Variants in CDH13 observed in about 807,000 individuals in gnomAD.
CDH13 encodes the protein cadherin 13, also known as cadherin-13.
A neutral mutation model predicts 63.8 loss-of-function variants in CDH13; 24 were observed. That is an observed-to-expected ratio of 0.38 (90% CI 0.27 to 0.53). CDH13 has a LOEUF of 0.53. Ranked by LOEUF, CDH13 falls within the 20% of genes least tolerant of loss-of-function variation. The probability of loss-of-function intolerance (pLI) is 0.85; values close to 1 mark genes in which losing one functional copy is unlikely to be tolerated. For synonymous variants in CDH13, 503 were observed against 355.3 expected (o/e 1.42, Z -4.67); for missense variants, 1,049 against 903.1 (o/e 1.16, Z -2.07).
intron 1 of CDH13, among the ~76,000 whole-genome samples, chr16:82,684,346 A>T (rs950255401): frequency 2.6e-5 from 4 of 152,286 alleles, no homozygotes; most frequent in Non-Finnish European, 4.4e-5. Flanking sequence ...TCAGTCCCTT[A>T]GATAACATCA....
chr16:83,265,891 T>C (rs548379275), intron 5 of CDH13, among the ~76,000 whole-genome samples: 2 of 152,102 alleles, frequency 1.3e-5, no homozygotes, highest in Non-Finnish European at 1.5e-5. Flanking sequence ...AAATGGGTGA[T>C]GGGGTTGGGA....
chr16:83,659,506 T>C (rs1913242757), intron 8 of CDH13, among the ~76,000 whole-genome samples: 1 of 152,264 alleles, frequency 6.6e-6, no homozygotes, highest in South Asian at 2.1e-4. Flanking sequence ...AGTGGTTACC[T>C]CAAGCTGTTG....
chr16:83,044,648 G>A (rs963645083), intron 3 of CDH13, among the ~76,000 whole-genome samples: 1 of 152,168 alleles, frequency 6.6e-6, no homozygotes, highest in Non-Finnish European at 1.5e-5. Flanking sequence ...GTTTATATAT[G>A]CATTACCCGA....
At chr16:83,386,550 C>G (rs1020030283) in intron 6 of CDH13, among the ~76,000 whole-genome samples, 1 of 152,124 alleles carries the variant, frequency 6.6e-6, no homozygotes, top group Admixed American at 6.5e-5. Flanking sequence ...CCACCTATAC[C>G]CGGATAGTAT....
intron 5 of CDH13, among the ~76,000 whole-genome samples, chr16:83,300,321 T>C (rs536052365): frequency 7.2e-5 from 11 of 152,370 alleles, no homozygotes; most frequent in African/African-American, 2.4e-4. Context: ...CATGAAGAGA[T>C]AGGTCAAAAT....
intron 7 of CDH13, among the ~76,000 whole-genome samples, chr16:83,530,320 C>T (rs187775738): frequency 2.0e-5 from 3 of 152,296 alleles, no homozygotes; most frequent in African/African-American, 7.2e-5. Flanking sequence ...TGTGGAGTCA[C>T]CACTGAGCTG....
At chr16:82,648,002 G>C (rs1174403721) in intron 1 of CDH13, among the ~76,000 whole-genome samples, 1 of 152,136 alleles carries the variant, frequency 6.6e-6, no homozygotes, top group Non-Finnish European at 1.5e-5. Context: ...GGTTTCATAA[G>C]GGGCAGTTCC....
chr16:83,508,154 G>GGGGAA lies in CDH13; in HGVS notation c.960+21500_960+21501insGGAAG, dbSNP rs1371600373. The stretch of plus-strand genomic sequence containing the variant: ...GGAAAGGGAAGGGGAGGGGAGGGGA[G>GGGGAA]GCGAGGGGAGGGGAGGAGAGGGGAG... On this transcript the variant is annotated intron_variant, in intron 7 of 13. Transcript: ENST00000567109. Among the ~76,000 whole-genome samples the GGGGAA allele has an allele frequency of 5.3e-5, 6 of 113,864 alleles. No homozygotes were observed. In the East Asian group the frequency reaches 1.8e-3, roughly 35 times the overall value. 74.7% of individuals were successfully genotyped at this position (113,864 alleles called of 152,430 possible).
intron 2 of CDH13, among the ~76,000 whole-genome samples, chr16:82,890,394 G>A (rs907555740): frequency 6.6e-6 from 1 of 152,118 alleles, no homozygotes; most frequent in Non-Finnish European, 1.5e-5. Context: ...TTCTTGGAAG[G>A]CCCCAGACTT....
rs889607455 is a variant in CDH13 at position 82,938,417 on chromosome 16, C to T, written c.157+79944C>T. ...ATTAGCCCTCTCAAATATCAATGGT[C>T]TCTGCCAGCCTTAGATGAGATAATG... On this transcript the variant is annotated intron_variant, in intron 2 of 13. Transcript: ENST00000567109. Among the ~76,000 whole-genome samples, 7 of 152,220 alleles carry T rather than the reference C, an allele frequency of 4.6e-5. No homozygotes were observed. In the South Asian group the frequency reaches 8.3e-4, roughly 18 times the overall value.
At chr16:82,869,362 T>A (rs2040265370) in intron 2 of CDH13, among the ~76,000 whole-genome samples, 1 of 151,566 alleles carries the variant, frequency 6.6e-6, no homozygotes, top group Non-Finnish European at 1.5e-5. Context: ...TTTTTTTTTC[T>A]TTTTAAACAC....
intron 1 of CDH13, among the ~76,000 whole-genome samples, chr16:82,743,841 CAT>C (rs1438815161): frequency 1.3e-5 from 2 of 152,052 alleles, no homozygotes; most frequent in East Asian, 1.9e-4. Flanking sequence ...ATAAATATGA[CAT>C]AGAAAAATTT....
chr16:83,746,342 C>A (rs1232252995), intron 10 of CDH13, among the ~76,000 whole-genome samples: 1 of 152,148 alleles, frequency 6.6e-6, no homozygotes, highest in African/African-American at 2.4e-5. Context: ...GTGGTCTTCT[C>A]CTTTTCTGTG....
At chr16:82,862,463 C>T (rs939584556) in intron 2 of CDH13, among the ~76,000 whole-genome samples, 4 of 152,132 alleles carry the variant, frequency 2.6e-5, no homozygotes, top group African/African-American at 9.7e-5. Context: ...GAAACCATAC[C>T]CTTGACCTCC....
intron 1 of CDH13, among the ~76,000 whole-genome samples, chr16:82,667,735 C>T (rs1258479701): frequency 6.6e-6 from 1 of 151,970 alleles, no homozygotes; most frequent in Non-Finnish European, 1.5e-5. Flanking sequence ...ACTATGGAGC[C>T]GCCCCCCGCC....
chr16:83,231,165 A>G (rs1382108064), intron 5 of CDH13, among the ~76,000 whole-genome samples: 1 of 152,092 alleles, frequency 6.6e-6, no homozygotes, highest in African/African-American at 2.4e-5. Flanking sequence ...TTTTGTAATA[A>G]TCCCTTTCTC....
At chr16:83,520,281 T>G (rs1354817259) in intron 7 of CDH13, among the ~76,000 whole-genome samples, 1 of 152,200 alleles carries the variant, frequency 6.6e-6, no homozygotes, top group South Asian at 2.1e-4. Flanking sequence ...AAGTACATTT[T>G]GTATGATTCC....
chr16:83,562,947 T>A (rs897749262), intron 7 of CDH13, among the ~76,000 whole-genome samples: 1 of 152,194 alleles, frequency 6.6e-6, no homozygotes, highest in African/African-American at 2.4e-5. Context: ...TCCTGAGCTT[T>A]TGGCAGGCTG....
At chr16:82,671,558 A>G (rs1913245968) in intron 1 of CDH13, among the ~76,000 whole-genome samples, 1 of 152,254 alleles carries the variant, frequency 6.6e-6, no homozygotes, top group Non-Finnish European at 1.5e-5. Flanking sequence ...AAACAAATTT[A>G]CTAACCTAGT....
Sources: gnomAD v4.1 joint callset for allele counts (sites outside exome capture counted in the v4.1 genomes callset) on GRCh38, gnomAD v4.1.1 for gene constraint, MANE v1.5 for transcripts, NCBI Gene and HGNC (gene_info 2026-07-23, HGNC 2026-07-21) for gene names.